The following DCAF6 variants were observed in gnomAD, a reference collection of about 807,000 sequenced individuals.
The protein encoded by DCAF6 is DDB1- and CUL4-associated factor 6.
A neutral mutation model predicts 125.1 loss-of-function variants in DCAF6; 54 were observed. That is an observed-to-expected ratio of 0.43 (90% CI 0.35 to 0.54). The LOEUF is 0.54. DCAF6 is among the 20% of genes least tolerant of loss of function. The pLI is 0.01. For missense variants in DCAF6, 934 were observed against 1,161.7 expected, an observed-to-expected ratio of 0.80 and a Z score of 2.85; for synonymous variants, 371 against 390.4, an observed-to-expected ratio of 0.95 and a Z score of 0.58.
At chr1:167,890,038 ATC>A in the DCAF6 span, among the ~76,000 whole-genome samples, 1 of 152,014 alleles carries the variant, frequency 6.6e-6, no homozygotes, top group Admixed American at 6.6e-5. Flanking sequence ...AAGGTCACAT[ATC>A]TCTGTCTCTC....
At chr1:168,059,678 C>T (rs920991481) in intron 17 of DCAF6, among the ~76,000 whole-genome samples, 2 of 151,954 alleles carry the variant, frequency 1.3e-5, no homozygotes, top group Admixed American at 6.6e-5. Context: ...CAGGGTCTTG[C>T]TGTGTCGCCT....
intron 6 of DCAF6, among the ~76,000 whole-genome samples, chr1:167,991,825 C>G (rs1416528196): frequency 6.6e-6 from 1 of 152,062 alleles, no homozygotes; most frequent in Non-Finnish European, 1.5e-5. Flanking sequence ...TTACATTTTC[C>G]TCTTAGGGCA....
the DCAF6 span, among the ~76,000 whole-genome samples, chr1:167,905,423 G>A: frequency 5.3e-5 from 8 of 152,216 alleles, no homozygotes; most frequent in African/African-American, 1.9e-4. Flanking sequence ...AGGCTGGGGT[G>A]AAAGAGGGTA....
chr1:167,951,097 C>T (rs962967708), intron 1 of DCAF6, among the ~76,000 whole-genome samples: 3 of 152,160 alleles, frequency 2.0e-5, no homozygotes, highest in Non-Finnish European at 2.9e-5. Context: ...ATAGCACTTA[C>T]ACCGATTATT....
intron 17 of DCAF6, among the ~76,000 whole-genome samples, chr1:168,062,591 T>C (rs1691736317): frequency 6.6e-6 from 1 of 151,976 alleles, no homozygotes; most frequent in Non-Finnish European, 1.5e-5. Context: ...TATATATTTG[T>C]TAACTGTTAT....
intron 12 of DCAF6, among the ~76,000 whole-genome samples, chr1:168,033,434 G>T (rs545971657): frequency 6.6e-6 from 1 of 150,926 alleles, no homozygotes; most frequent in East Asian, 2.0e-4. Context: ...TCCTGCCTCA[G>T]CCTCCCGAGT....
chr1:168,014,540 T>C (rs12089554), intron 10 of DCAF6, among the ~76,000 whole-genome samples: 4,561 of 152,294 alleles, frequency 0.03, 232 homozygotes, highest in African/African-American at 0.1. Context: ...TAGACTTTTG[T>C]ATTCAGTCCC....
At chr1:167,963,242 C>A (rs1675894149) in intron 2 of DCAF6, among the ~76,000 whole-genome samples, 1 of 150,848 alleles carries the variant, frequency 6.6e-6, no homozygotes, top group Non-Finnish European at 1.5e-5. Context: ...TCAGCCTGGG[C>A]AAAAGCGTGA....
intron 3 of DCAF6, among the ~76,000 whole-genome samples, chr1:167,971,712 T>C (rs1323156352): frequency 6.6e-6 from 1 of 152,160 alleles, no homozygotes; most frequent in Admixed American, 6.5e-5. Flanking sequence ...CAATATGTTA[T>C]TTTCATCTCA....
At chr1:168,074,308 C>T (rs977211954) in intron 21 of DCAF6, among the ~76,000 whole-genome samples, 1 of 152,008 alleles carries the variant, frequency 6.6e-6, no homozygotes, top group African/African-American at 2.4e-5. Context: ...GACAGTGGGA[C>T]TGAACTGTTT....
rs370244393 is a variant in DCAF6, at chr1:168,056,453, C to T, written c.2300+5520C>T. ...CAGGGGTGCGGGGGTCGCAGCGCTA[C>T]GCCTCGGCCACCCGCGCCGGGAGGC... On this transcript the variant is annotated intron_variant, in intron 17 of 21. Transcript: ENST00000367840. 32 of 1,179,160 alleles carry T rather than the reference C, an allele frequency of 2.7e-5. No individual in the cohort carries two copies. In the African/African-American group the frequency reaches 9.0e-4, roughly 33 times the overall value. The allele number at this position is 1,179,160 out of a possible 1,614,324, so 73.0% of individuals were successfully genotyped here.
intron 5 of DCAF6, among the ~76,000 whole-genome samples, chr1:167,990,168 A>G (rs770690890): frequency 6.6e-6 from 1 of 152,176 alleles, no homozygotes; most frequent in Non-Finnish European, 1.5e-5. Flanking sequence ...ATTATGAATA[A>G]GCCTAGGCAA....
At chr1:167,956,745 TGA>T (rs1674849538) in intron 2 of DCAF6, among the ~76,000 whole-genome samples, 2 of 152,146 alleles carry the variant, frequency 1.3e-5, no homozygotes. Context: ...ATCCATAAAT[TGA>T]GATATGTTGC....
At chr1:168,009,346 C>G (rs1683857385) in intron 10 of DCAF6, among the ~76,000 whole-genome samples, 2 of 22,646 alleles carry the variant, frequency 8.8e-5, no homozygotes, top group African/African-American at 3.4e-4. Context: ...TTCCTTCCTC[C>G]CTTCCTTCCT....
At chr1:168,013,127 T>C (rs1482427619) in intron 10 of DCAF6, among the ~76,000 whole-genome samples, 2 of 152,202 alleles carry the variant, frequency 1.3e-5, no homozygotes, top group Admixed American at 1.3e-4. Context: ...AGCATTACTA[T>C]TATGCTGACT....
the DCAF6 span, among the ~76,000 whole-genome samples, chr1:167,928,296 C>A: frequency 6.8e-5 from 10 of 147,484 alleles, no homozygotes; most frequent in African/African-American, 2.5e-4. Context: ...TGCAGTGAGC[C>A]GAGATCGCAC....
rs1692223181 is a variant in DCAF6 at position 168,065,575 on chromosome 1, T to A, written c.2440-15T>A. 6.6e-7 allele frequency: 1 copy of A among 1,511,450 alleles called. No homozygotes were observed. Among genetic ancestry groups the A allele is most frequent in the Non-Finnish European group, 8.9e-7 (1 of 1,121,770 alleles). 93.6% of individuals were successfully genotyped at this position (1,511,450 alleles called of 1,614,324 possible). A position where few individuals can be genotyped will look rare whatever the true frequency, so the allele number is the denominator to read the frequency against. Reference sequence around the variant, plus strand: ...CTTTGATTTGAATTTTTAAATAATTTTTTTTAACCCTTAGATAAAAGAAGC... The same window carrying A: ...CTTTGATTTGAATTTTTAAATAATTATTTTTAACCCTTAGATAAAAGAAGC... On this transcript the variant is annotated splice_polypyrimidine_tract_variant and intron_variant, in intron 18 of 21. Transcript: ENST00000367840.
chr1:167,919,940 CT>C, the DCAF6 span: 1 of 1,497,906 alleles, frequency 6.7e-7, no homozygotes, highest in Admixed American at 2.0e-5. Context: ...ATCTAAGTAG[CT>C]TTTGCAACAG....
chr1:168,034,756 TTAAGG>T (rs1687580838), intron 12 of DCAF6, among the ~76,000 whole-genome samples: 1 of 152,188 alleles, frequency 6.6e-6, no homozygotes, highest in Non-Finnish European at 1.5e-5. Flanking sequence ...GTTCTAAACC[TTAAGG>T]GTTTTAAATA....
Sources: gnomAD v4.1 joint callset for allele counts (sites outside exome capture counted in the v4.1 genomes callset) on GRCh38, gnomAD v4.1.1 for gene constraint, MANE v1.5 for transcripts, NCBI Gene and HGNC (gene_info 2026-07-23, HGNC 2026-07-21) for gene names.